Variants in FAM47E observed in about 807,000 individuals in gnomAD.
The protein encoded by FAM47E is protein FAM47E.
FAM47E carries 32 observed loss-of-function variants against 41.6 expected under a neutral mutation model. That is an observed-to-expected ratio of 0.77 (90% confidence interval 0.58 to 1.03). FAM47E has a LOEUF of 1.03. FAM47E is among the 50% of genes least tolerant of loss of function. FAM47E has a pLI of 0.00. For missense variants in FAM47E, 424 were observed against 485.4 expected, an observed-to-expected ratio of 0.87 and a Z score of 1.19; for synonymous variants, 184 against 188.7, an observed-to-expected ratio of 0.98 and a Z score of 0.20.
chr4:76,241,301 G>A (rs932728516), intron 2 of FAM47E, among the ~76,000 whole-genome samples: 1 of 152,152 alleles, frequency 6.6e-6, no homozygotes, highest in African/African-American at 2.4e-5. Flanking sequence ...GCAGAAAAAG[G>A]CTCATCGTTT....
At chr4:76,273,581 T>C (rs1412214722) in intron 5 of FAM47E, among the ~76,000 whole-genome samples, 1 of 152,212 alleles carries the variant, frequency 6.6e-6, no homozygotes, top group Admixed American at 6.5e-5. Flanking sequence ...AGCATTTTGA[T>C]TATCATAAAC....
At chr4:76,268,398 A>G (rs1734733410) in intron 3 of FAM47E, 1 of 335,910 alleles carries the variant, frequency 3.0e-6, no homozygotes, top group Non-Finnish European at 5.3e-6. Context: ...AATAAATGGT[A>G]CTCAAAATTT....
intron 2 of FAM47E, among the ~76,000 whole-genome samples, chr4:76,219,506 C>T (rs1733270534): frequency 6.6e-6 from 1 of 152,078 alleles, no homozygotes; most frequent in South Asian, 2.1e-4. Context: ...GTTGTGAAAT[C>T]AGGGCTAAAT....
intron 5 of FAM47E, among the ~76,000 whole-genome samples, chr4:76,276,498 G>A (rs28507491): frequency 0.37 from 56,332 of 151,562 alleles, 10,847 homozygotes; most frequent in Middle Eastern, 0.48. Context: ...TCAGCCTCCC[G>A]AGTAGCTGGG....
At chr4:76,222,894 C>G (rs1733334319) in intron 2 of FAM47E, among the ~76,000 whole-genome samples, 1 of 152,124 alleles carries the variant, frequency 6.6e-6, no homozygotes, top group African/African-American at 2.4e-5. Flanking sequence ...GGCAAGAGTT[C>G]CAAGCTGAAG....
intron 2 of FAM47E, among the ~76,000 whole-genome samples, chr4:76,259,213 C>A (rs902805655): frequency 6.6e-6 from 1 of 152,146 alleles, no homozygotes; most frequent in Non-Finnish European, 1.5e-5. Flanking sequence ...CATGTGACAC[C>A]GTTTGTCAGA....
At chr4:76,243,708 G>GT (rs944542982) in intron 2 of FAM47E, among the ~76,000 whole-genome samples, 2 of 151,950 alleles carry the variant, frequency 1.3e-5, no homozygotes, top group East Asian at 1.9e-4. Flanking sequence ...TTCTTTTTAT[G>GT]TTTTTTTGTT....
At chr4:76,235,410 T>C (rs2109988282) in intron 2 of FAM47E, among the ~76,000 whole-genome samples, 1 of 152,254 alleles carries the variant, frequency 6.6e-6, no homozygotes, top group East Asian at 1.9e-4. Context: ...TCACTAAAAT[T>C]AAGGTGGGGA....
chr4:76,247,639 TA>T (rs774834211), upstream of FAM47E, among the ~76,000 whole-genome samples: 3 of 152,172 alleles, frequency 2.0e-5, no homozygotes, highest in Non-Finnish European at 2.9e-5. Context: ...ATAACCATCC[TA>T]ATTGGTGTGA....
At chr4:76,231,683 A>G (rs1259287777) in intron 2 of FAM47E, among the ~76,000 whole-genome samples, 1 of 152,234 alleles carries the variant, frequency 6.6e-6, no homozygotes, top group Non-Finnish European at 1.5e-5. Flanking sequence ...TTGTTCCACA[A>G]GGAATCAGAT....
intron 1 of FAM47E, 81 bp downstream of exon 1, chr4:76,251,901 G>A: frequency 5.2e-6 from 7 of 1,349,566 alleles, no homozygotes; most frequent in East Asian, 3.1e-5. Flanking sequence ...TTGCTGGGGC[G>A]GGGGCGAGGG....
chr4:76,217,574 C>T (rs1176257301), intron 1 of FAM47E: 3 of 519,750 alleles, frequency 5.8e-6, no homozygotes, highest in East Asian at 6.2e-5. Context: ...TTTCTGCCTT[C>T]CCAGGAGTGG....
At chr4:76,249,400 G>A (rs2109997679), upstream of FAM47E, among the ~76,000 whole-genome samples, 1 of 152,180 alleles carries the variant, frequency 6.6e-6, no homozygotes, top group Non-Finnish European at 1.5e-5. Context: ...ATTTTTAAAA[G>A]GATTATTGCA....
chr4:76,261,864 A>G (rs957771262), intron 2 of FAM47E, among the ~76,000 whole-genome samples: 1 of 152,222 alleles, frequency 6.6e-6, no homozygotes, highest in Non-Finnish European at 1.5e-5. Context: ...TTTTAAGGAA[A>G]AAAATAAACA....
At chr4:76,236,469 G>C (rs962450459) in intron 2 of FAM47E, 1 of 152,178 alleles carries the variant, frequency 6.6e-6, no homozygotes, top group Non-Finnish European at 1.5e-5. Context: ...TATTTGAAGA[G>C]ATTTATTCTG....
chr4:76,268,768 T>C lies in FAM47E; in HGVS notation c.669T>C (p.Asn223=). 6.4e-7 allele frequency: 1 copy of C among 1,551,422 alleles called. No homozygotes were observed. Among genetic ancestry groups the C allele is most frequent in the Non-Finnish European group, 8.7e-7 (1 of 1,146,916 alleles). Reference sequence around the variant, plus strand: ...GTCCTCGTCCTGGTCTTCATGAAAATGTATGCAAAGCAGTTAGTGACTTCT... The same window carrying C: ...GTCCTCGTCCTGGTCTTCATGAAAACGTATGCAAAGCAGTTAGTGACTTCT... ...ENGPRPGLHE[N]GISDIDEEFI... Residue 223 remains asparagine, a splice_region_variant and synonymous_variant, in exon 4 of 8, where the codon AAT becomes AAC. Transcript: ENST00000424749.
chr4:76,237,736 G>A (rs1332470780), intron 2 of FAM47E, among the ~76,000 whole-genome samples: 1 of 152,182 alleles, frequency 6.6e-6, no homozygotes, highest in Non-Finnish European at 1.5e-5. Flanking sequence ...AGAAGGTGAA[G>A]GGGGAGCAGG....
At chr4:76,237,760 CA>C (rs1267651291) in intron 2 of FAM47E, among the ~76,000 whole-genome samples, 4 of 152,066 alleles carry the variant, frequency 2.6e-5, no homozygotes, top group African/African-American at 9.7e-5. Flanking sequence ...ATCACATGGC[CA>C]GAGCAGGAGC....
At chr4:76,265,315 G>T (rs1005600675) in intron 3 of FAM47E, among the ~76,000 whole-genome samples, 1 of 152,212 alleles carries the variant, frequency 6.6e-6, no homozygotes, top group African/African-American at 2.4e-5. Flanking sequence ...GTCCAGCCTT[G>T]CAGGGGACTG....
Sources: gnomAD v4.1 joint callset for allele counts (sites outside exome capture counted in the v4.1 genomes callset) on GRCh38, gnomAD v4.1.1 for gene constraint, MANE v1.5 for transcripts, NCBI Gene and HGNC (gene_info 2026-07-23, HGNC 2026-07-21) for gene names.